CTNND2: variants seen among roughly 807,000 people sequenced by gnomAD.
CTNND2 encodes catenin delta 2, also known as catenin delta-2.
CTNND2 carries 22 observed loss-of-function variants against 144.4 expected under a neutral mutation model. That is an observed-to-expected ratio of 0.15 (90% CI 0.11 to 0.22). CTNND2 has a LOEUF of 0.22. Ranked by LOEUF, CTNND2 falls within the 10% of genes least tolerant of loss-of-function variation. CTNND2 has a pLI of 1.00. For synonymous variants in CTNND2, 751 were observed against 695.6 expected, an observed-to-expected ratio of 1.08 and a Z score of -1.25; for missense variants, 1,353 against 1,618.8, an observed-to-expected ratio of 0.84 and a Z score of 2.82.
At chr5:10,993,489 A>G (rs1738939962) in intron 18 of CTNND2, among the ~76,000 whole-genome samples, 1 of 152,158 alleles carries the variant, frequency 6.6e-6, no homozygotes, top group Non-Finnish European at 1.5e-5. Flanking sequence ...TATTTTTATC[A>G]AAGTAACATG....
chr5:11,730,068 TCAA>T (rs1581788555), intron 2 of CTNND2, among the ~76,000 whole-genome samples: 1 of 152,198 alleles, frequency 6.6e-6, no homozygotes, highest in East Asian at 1.9e-4. Flanking sequence ...ATTAATTTTA[TCAA>T]CATGTTATTA....
At chr5:11,262,777 A>G (rs1283865376) in intron 9 of CTNND2, among the ~76,000 whole-genome samples, 1 of 148,476 alleles carries the variant, frequency 6.7e-6, no homozygotes, top group East Asian at 1.9e-4. Context: ...AAAAAAAAAA[A>G]AAAAAAAAAA....
intron 9 of CTNND2, among the ~76,000 whole-genome samples, chr5:11,283,771 T>C (rs1414291520): frequency 6.7e-6 from 1 of 149,044 alleles, no homozygotes; most frequent in Non-Finnish European, 1.5e-5. Context: ...AACAAATACA[T>C]GTTAGATTAT....
At chr5:11,295,948 A>G (rs1748923969) in intron 9 of CTNND2, among the ~76,000 whole-genome samples, 1 of 152,198 alleles carries the variant, frequency 6.6e-6, no homozygotes, top group South Asian at 2.1e-4. Flanking sequence ...CTGAAACACC[A>G]AAAGCAATGG....
At chr5:11,128,995 T>TA (rs1561351434) in intron 12 of CTNND2, among the ~76,000 whole-genome samples, 1 of 48,774 alleles carries the variant, frequency 2.1e-5, no homozygotes, top group Non-Finnish European at 3.9e-5. Flanking sequence ...ATATAATATA[T>TA]AATATATAAA....
chr5:11,826,897 C>G (rs1413882124), intron 1 of CTNND2, among the ~76,000 whole-genome samples: 1 of 151,870 alleles, frequency 6.6e-6, no homozygotes, highest in Non-Finnish European at 1.5e-5. Context: ...CAATACTCCC[C>G]TCTCAATAGT....
chr5:11,165,673 T>C (rs992598864), intron 11 of CTNND2, among the ~76,000 whole-genome samples: 3 of 152,198 alleles, frequency 2.0e-5, no homozygotes, highest in Non-Finnish European at 4.4e-5. Context: ...TTACGTATAC[T>C]AAAGATATTT....
In CTNND2 at chr5:11,836,917, A is replaced by G. The variant is rs116376941; in HGVS notation, c.37+66900T>C. On this transcript the variant is annotated intron_variant, in intron 1 of 21. Coordinates refer to ENST00000304623, the MANE Select transcript of CTNND2 (RefSeq NM_001332.4). Reference sequence around the variant, plus strand: ...AAATATCCATCGCCACCAGTGGTCCAAGGCAAAAGCTCCAAGCGGGGCCGC... The same window carrying G: ...AAATATCCATCGCCACCAGTGGTCCGAGGCAAAAGCTCCAAGCGGGGCCGC... Among the ~76,000 whole-genome samples the G allele has an allele frequency of 8.8e-3, 1,343 of 152,334 alleles. 26 individuals are homozygous for G. Among genetic ancestry groups the G allele is most frequent in the African/African-American group, 0.03 (1,256 of 41,590 alleles).
In CTNND2 at chr5:11,264,808, G is replaced by A. The variant is rs571725812; in HGVS notation, c.1629-27985C>T. Among the ~76,000 whole-genome samples, 3 of 152,252 alleles carry A rather than the reference G, an allele frequency of 2.0e-5. No individual in the cohort carries two copies. The South Asian group carries it at 6.2e-4, about 32-fold the overall frequency. On this transcript the variant is annotated intron_variant, in intron 9 of 21. Transcript: ENST00000304623. The stretch of plus-strand genomic sequence containing the variant: ...TAGCCAGGCATGATGGAGTGTGCCT[G>A]TGGTCCCAATTACACAGGAGGCTGA...
In CTNND2 at chr5:11,254,320, A is replaced by G. The variant is rs541820042; in HGVS notation, c.1629-17497T>C. 2.1e-4 allele frequency among the ~76,000 whole-genome samples: 32 copies of G among 152,318 alleles called. No homozygotes were observed. The South Asian group carries it at 6.2e-3, about 30-fold the overall frequency. ...ACCCTCTGCTCAATGCATAAAGCAA[A>G]GCCCACCCTATCCTGGCTGTGGTTC... On this transcript the variant is annotated intron_variant, in intron 9 of 21. Coordinates refer to ENST00000304623, the MANE Select transcript of CTNND2 (RefSeq NM_001332.4).
chr5:11,497,648 G>C (rs1182932870), intron 3 of CTNND2, among the ~76,000 whole-genome samples: 1 of 151,678 alleles, frequency 6.6e-6, no homozygotes, highest in African/African-American at 2.4e-5. Context: ...AGGCAAAGGT[G>C]AAATAAGAGG....
At chr5:11,075,941 A>C (rs1422461156) in intron 16 of CTNND2, among the ~76,000 whole-genome samples, 1 of 152,242 alleles carries the variant, frequency 6.6e-6, no homozygotes, top group East Asian at 1.9e-4. Flanking sequence ...CCTCCTCCAG[A>C]TCTGCTCTTT....
chr5:11,443,995 C>T (rs183658355), intron 3 of CTNND2, among the ~76,000 whole-genome samples: 35 of 152,284 alleles, frequency 2.3e-4, no homozygotes, highest in African/African-American at 8.4e-4. Flanking sequence ...ATGGATGAAT[C>T]AAGTCATTAA....
At chr5:11,084,831 G>T (rs1749963207) in intron 15 of CTNND2, among the ~76,000 whole-genome samples, 1 of 152,044 alleles carries the variant, frequency 6.6e-6, no homozygotes, top group African/African-American at 2.4e-5. Flanking sequence ...TCAATAACCT[G>T]CCCACAGGAG....
intron 10 of CTNND2, among the ~76,000 whole-genome samples, chr5:11,209,284 T>G (rs1738371463): frequency 6.6e-6 from 1 of 152,218 alleles, no homozygotes; most frequent in Admixed American, 6.5e-5. Context: ...GACATTATTT[T>G]ATCTCATTTA....
chr5:11,298,562 CT>C (rs1323318686), intron 9 of CTNND2, among the ~76,000 whole-genome samples: 1 of 152,168 alleles, frequency 6.6e-6, no homozygotes, highest in African/African-American at 2.4e-5. Context: ...TTCTATTTTG[CT>C]TTTAAAATGC....
chr5:11,525,308 T>G (rs1276265482), intron 3 of CTNND2, among the ~76,000 whole-genome samples: 1 of 152,156 alleles, frequency 6.6e-6, no homozygotes, highest in East Asian at 1.9e-4. Flanking sequence ...CCCAGGAGGC[T>G]CTTGTCAAAA....
At chr5:11,348,003 T>G (rs1561257437) in intron 8 of CTNND2, among the ~76,000 whole-genome samples, 3 of 152,192 alleles carry the variant, frequency 2.0e-5, no homozygotes, top group East Asian at 1.9e-4. Flanking sequence ...TTTCAAGACT[T>G]CATCTTAGAA....
chr5:11,902,737 C>A (rs1167292359), intron 1 of CTNND2, among the ~76,000 whole-genome samples: 1 of 152,026 alleles, frequency 6.6e-6, no homozygotes, highest in African/African-American at 2.4e-5. Flanking sequence ...TAACACCTGC[C>A]AGAGCTAAGG....
Sources: allele counts gnomAD v4.1 joint callset (sites outside exome capture counted in the v4.1 genomes callset), GRCh38; gene constraint gnomAD v4.1.1; transcripts MANE v1.5; gene names NCBI Gene and HGNC (gene_info 2026-07-23, HGNC 2026-07-21).